The following FBXL20 variants were observed in gnomAD, a reference collection of about 807,000 sequenced individuals.
The protein encoded by FBXL20 is F-box and leucine rich repeat protein 20, also known as F-box/LRR-repeat protein 20.
Under a neutral mutation model 64.0 loss-of-function variants are expected in FBXL20, and 11 were observed. The ratio of observed to expected loss-of-function variants is 0.17; its 90% CI spans 0.11 to 0.28. The LOEUF (loss-of-function observed/expected upper bound fraction) is 0.28. Ranked by LOEUF, FBXL20 falls within the 10% of genes least tolerant of loss-of-function variation. The probability of loss-of-function intolerance (pLI) is 1.00; values close to 1 mark genes in which losing one functional copy is unlikely to be tolerated. For missense variants in FBXL20, 303 were observed against 526.2 expected, an observed-to-expected ratio of 0.58 and a Z score of 4.15; for synonymous variants, 184 against 189.0, an observed-to-expected ratio of 0.97 and a Z score of 0.22.
intron 14 of FBXL20, among the ~76,000 whole-genome samples, chr17:39,262,992 A>C (rs943758476): frequency 9.2e-5 from 9 of 98,236 alleles, no homozygotes; most frequent in Non-Finnish European, 1.6e-4. Context: ...ACAGAGCGAG[A>C]CTCTGTCTCA....
chr17:39,324,008 A>ACCCCCCCCCCCCCCC (rs138382317), intron 2 of FBXL20, among the ~76,000 whole-genome samples: 8 of 129,046 alleles, frequency 6.2e-5, no homozygotes, highest in African/African-American at 2.4e-4. Context: ...TCGTGATCCA[A>ACCCCCCCCCCCCCCC]CCCCCTCCCC....
intron 2 of FBXL20, among the ~76,000 whole-genome samples, chr17:39,340,441 G>T (rs965727234): frequency 6.6e-6 from 1 of 152,092 alleles, no homozygotes; most frequent in African/African-American, 2.4e-5. Context: ...TGTTGGCCAG[G>T]CTGGTCTCCA....
chr17:39,326,059 T>G (rs1432521700), intron 2 of FBXL20, among the ~76,000 whole-genome samples: 2 of 151,988 alleles, frequency 1.3e-5, no homozygotes, highest in Non-Finnish European at 2.9e-5. Context: ...TGTTTAAGAG[T>G]CTGGGACTTC....
chr17:39,339,229 G>A (rs2047558537), intron 2 of FBXL20, among the ~76,000 whole-genome samples: 1 of 150,132 alleles, frequency 6.7e-6, no homozygotes, highest in Admixed American at 6.7e-5. Context: ...TGCCCCATCT[G>A]TATAAAAAAA....
At chr17:39,341,747 T>C (rs753238494) in intron 2 of FBXL20, among the ~76,000 whole-genome samples, 1 of 152,240 alleles carries the variant, frequency 6.6e-6, no homozygotes, top group Non-Finnish European at 1.5e-5. Flanking sequence ...CTTGTGCACC[T>C]GCCCTCAGCC....
intron 1 of FBXL20, among the ~76,000 whole-genome samples, chr17:39,372,560 C>A (rs1443190264): frequency 1.4e-5 from 2 of 141,144 alleles, no homozygotes. Context: ...TCTTTTAAGG[C>A]AAAAAACCTT....
intron 14 of FBXL20, among the ~76,000 whole-genome samples, chr17:39,261,772 G>T (rs1026250083): frequency 1.3e-5 from 2 of 151,900 alleles, no homozygotes; most frequent in Non-Finnish European, 2.9e-5. Context: ...TATGACTTTG[G>T]TACCTGTTTG....
chr17:39,276,221 G>GAAAAAAA (rs1215336803), intron 9 of FBXL20, among the ~76,000 whole-genome samples: 64 of 60,566 alleles, frequency 1.1e-3, no homozygotes, highest in South Asian at 1.6e-3. Context: ...AGCAAGAAAA[G>GAAAAAAA]AAAAAAAAAA....
intron 1 of FBXL20, among the ~76,000 whole-genome samples, chr17:39,355,019 C>T (rs2047722155): frequency 6.6e-6 from 1 of 152,200 alleles, no homozygotes; most frequent in Non-Finnish European, 1.5e-5. Flanking sequence ...AGAACCTCTG[C>T]CTCCCTGGTT....
chr17:39,385,312 G>C (rs931087935), intron 1 of FBXL20, among the ~76,000 whole-genome samples: 34 of 137,766 alleles, frequency 2.5e-4, no homozygotes, highest in African/African-American at 1.1e-3. Context: ...GTGAGACCCT[G>C]TCTCTAGAAA....
At chr17:39,353,573 C>G (rs2047708275) in intron 1 of FBXL20, among the ~76,000 whole-genome samples, 2 of 151,562 alleles carry the variant, frequency 1.3e-5, no homozygotes, top group Admixed American at 1.3e-4. Flanking sequence ...GAACATATTC[C>G]CCATGGATAA....
At chr17:39,373,005 TTC>T (rs532302945) in intron 1 of FBXL20, among the ~76,000 whole-genome samples, 143 of 151,948 alleles carry the variant, frequency 9.4e-4, no homozygotes, top group Non-Finnish European at 1.7e-3. Flanking sequence ...TATTTTTCTT[TTC>T]TTTTTTTTTT....
intron 2 of FBXL20, among the ~76,000 whole-genome samples, chr17:39,340,375 G>C (rs112546987): frequency 2.0e-4 from 30 of 152,158 alleles, no homozygotes; most frequent in African/African-American, 7.2e-4. Context: ...GATCACAGGC[G>C]TGAGCCACCG....
At chr17:39,340,295 C>T (rs79621827) in intron 2 of FBXL20, among the ~76,000 whole-genome samples, 1 of 151,708 alleles carries the variant, frequency 6.6e-6, no homozygotes, top group African/African-American at 2.4e-5. Flanking sequence ...TGGGGTTTCA[C>T]CATGTTGGCC....
At chr17:39,297,056 C>T (rs2047092773) in intron 6 of FBXL20, 71 bp downstream of exon 6, 1 of 1,053,954 alleles carries the variant, frequency 9.5e-7, no homozygotes, top group East Asian at 2.5e-5. Context: ...GAGTTAATGG[C>T]CTGAATTTAA....
chr17:39,388,489 ATTTT>A (rs1555615468), intron 1 of FBXL20, among the ~76,000 whole-genome samples: 1 of 144,778 alleles, frequency 6.9e-6, no homozygotes, highest in African/African-American at 2.5e-5. Context: ...TTTTTTTTTA[ATTTT>A]TTTTTTTTGA....
intron 2 of FBXL20, among the ~76,000 whole-genome samples, chr17:39,319,295 T>C (rs982497870): frequency 2.0e-5 from 3 of 151,480 alleles, no homozygotes; most frequent in Non-Finnish European, 4.4e-5. Context: ...GAATTATTAA[T>C]GTTTAAGGAT....
intron 1 of FBXL20, among the ~76,000 whole-genome samples, chr17:39,352,147 G>A (rs2047693495): frequency 6.6e-6 from 1 of 152,092 alleles, no homozygotes; most frequent in South Asian, 2.1e-4. Context: ...TTATTTAAAT[G>A]CTTAGTAAAT....
chr17:39,393,905 A>G (rs1243605790), intron 1 of FBXL20, among the ~76,000 whole-genome samples: 1 of 152,242 alleles, frequency 6.6e-6, no homozygotes, highest in Non-Finnish European at 1.5e-5. Context: ...AATTGAGCAC[A>G]AATACTATTG....
Sources: allele counts gnomAD v4.1 joint callset (sites outside exome capture counted in the v4.1 genomes callset), GRCh38; gene constraint gnomAD v4.1.1; transcripts MANE v1.5; gene names NCBI Gene and HGNC (gene_info 2026-07-23, HGNC 2026-07-21).